SPOCK3: variants seen among roughly 807,000 people sequenced by gnomAD.
The protein encoded by SPOCK3 is testican-3.
Under a neutral mutation model 56.6 loss-of-function variants are expected in SPOCK3, and 30 were observed. The observed-to-expected ratio is 0.53, with a 90% confidence interval of 0.40 to 0.72. The LOEUF (loss-of-function observed/expected upper bound fraction) is 0.72, where lower values mean the gene tolerates loss of function less well. Among genes scored for constraint, SPOCK3 ranks in the 30% least tolerant of loss-of-function variants. The pLI is 0.00. For missense variants in SPOCK3, 527 were observed against 530.0 expected (o/e 0.99, Z 0.06); for synonymous variants, 196 against 183.3 (o/e 1.07, Z -0.56).
At chr4:166,921,617 G>A (rs964401260) in intron 4 of SPOCK3, among the ~76,000 whole-genome samples, 1 of 152,050 alleles carries the variant, frequency 6.6e-6, no homozygotes, top group Non-Finnish European at 1.5e-5. Flanking sequence ...CACCCAGCCC[G>A]TGTTGACTCT....
intron 2 of SPOCK3, among the ~76,000 whole-genome samples, chr4:167,102,849 G>A (rs1284060038): frequency 6.8e-6 from 1 of 147,822 alleles, no homozygotes; most frequent in Non-Finnish European, 1.5e-5. Flanking sequence ...GACAGGGGAT[G>A]TGGGACACCA....
chr4:167,062,730 A>T, intron 2 of SPOCK3, 193 bp from the exon 3 acceptor site: 1 of 539,466 alleles, frequency 1.9e-6, no homozygotes, highest in East Asian at 3.0e-5. Flanking sequence ...GTTATCAAAA[A>T]GGAACACACT....
At position 167,234,086 on chromosome 4, in the gene SPOCK3, C is replaced by A. The variant is rs746368281; in HGVS notation, c.88G>T (p.Gly30Trp). 1 of 1,613,860 alleles carries A rather than the reference C, an allele frequency of 6.2e-7. No individual in the cohort carries two copies. The highest frequency in any genetic ancestry group is 1.7e-5 in the Admixed American group (1 of 60,018). The change falls in exon 2 of 11, where the codon GGG (glycine) becomes TGG (tryptophan). Residue 30 changes from glycine (G) to tryptophan (W), a missense_variant. Physicochemically the swap from Gly to Trp is radical, Grantham distance 184. Coordinates refer to ENST00000357545, the MANE Select transcript of SPOCK3 (RefSeq NM_001040159.2). ...LAAAAAVAAA[G>W]GRSDGGNFLD... ...AAATTACCGCCGTCCGACCGCCCCCCGGCTGCAGCCACCGCCGCGGCAGCT... is the reference window on the plus strand; with the variant it reads ...AAATTACCGCCGTCCGACCGCCCCCAGGCTGCAGCCACCGCCGCGGCAGCT...
rs1365561851 is a variant in SPOCK3 at position 166,752,563 on chromosome 4, TATATATATATACAC to T, written c.931+1931_931+1944del. On this transcript the variant is annotated intron_variant, in intron 8 of 10. Coordinates refer to ENST00000357545, the MANE Select transcript of SPOCK3 (RefSeq NM_001040159.2). ...GTAGCTATATGTGTGTATATATATA[TATATATATATACAC>T]ACACACACACACACACACACACACA... is the stretch of plus-strand genomic sequence containing the variant. 7.0e-3 allele frequency among the ~76,000 whole-genome samples: 374 copies of T among 53,418 alleles called. 1 individual carries two copies. The highest frequency in any genetic ancestry group is 8.4e-3 in the Non-Finnish European group (246 of 29,416). The allele number at this position is 53,418 out of a possible 152,430, so 35.0% of individuals were successfully genotyped here.
At chr4:167,117,335 G>A (rs1449309316) in intron 2 of SPOCK3, among the ~76,000 whole-genome samples, 1 of 152,096 alleles carries the variant, frequency 6.6e-6, no homozygotes, top group Non-Finnish European at 1.5e-5. Context: ...CACAAAATGT[G>A]TTCTGACCTG....
chr4:167,113,537 G>T (rs1561229894), intron 2 of SPOCK3, among the ~76,000 whole-genome samples: 1 of 152,000 alleles, frequency 6.6e-6, no homozygotes. Flanking sequence ...GTTTCAGTCA[G>T]TGTCTGAGCA....
chr4:167,046,292 T>C (rs1165910912), intron 3 of SPOCK3, among the ~76,000 whole-genome samples: 1 of 151,886 alleles, frequency 6.6e-6, no homozygotes, highest in African/African-American at 2.4e-5. Context: ...ATAATATGCC[T>C]AGATGTGGGT....
intron 4 of SPOCK3, among the ~76,000 whole-genome samples, chr4:166,986,056 C>T (rs1458806540): frequency 1.3e-5 from 2 of 152,032 alleles, no homozygotes; most frequent in African/African-American, 4.8e-5. Flanking sequence ...CTAAATTTTC[C>T]AAATCTACAA....
chr4:166,755,928 C>T lies in SPOCK3; in HGVS notation c.710-1199G>A, dbSNP rs1422814606. On this transcript the variant is annotated intron_variant, in intron 7 of 10. Coordinates refer to ENST00000357545, the MANE Select transcript of SPOCK3 (RefSeq NM_001040159.2). The stretch of plus-strand genomic sequence containing the variant: ...AACAGCTCCGGTCTACAGCTCCCAG[C>T]GTGAGCGACGCAGAAGACGGTGATT... Among the ~76,000 whole-genome samples the T allele has an allele frequency of 5.5e-4, 4 of 7,248 alleles. 2 individuals are homozygous for T. Among genetic ancestry groups the T allele is most frequent in the African/African-American group, 1.0e-3 (2 of 1,952 alleles). The allele number at this position is 7,248 out of a possible 152,430, so 4.8% of individuals were successfully genotyped here.
intron 2 of SPOCK3, among the ~76,000 whole-genome samples, chr4:167,121,095 GT>G (rs1023354150): frequency 6.6e-6 from 1 of 151,526 alleles, no homozygotes; most frequent in Non-Finnish European, 1.5e-5. Context: ...TAACCTGGGT[GT>G]TTTTTTAAAT....
Position 167,000,446 on chromosome 4 carries a change from C to G in SPOCK3, c.253G>C (p.Asp85His). 6.3e-7 allele frequency: 1 copy of G among 1,586,180 alleles called. No homozygotes were observed. Among genetic ancestry groups the G allele is most frequent in the Non-Finnish European group, 8.6e-7 (1 of 1,163,904 alleles). ...CTACATTTCATCTTTAAGCATGGAT[C>G]CTTAGCTGGATCTAAAGCTAAAAAA... ...PFDQALDPAK[D>H]PCLKMKCSRH... The change falls in exon 4 of 11, where the codon GAT becomes CAT. Residue 85 changes from aspartate to histidine, a missense_variant. By Grantham distance (81) the Asp-to-His change is moderately conservative. Transcript: ENST00000357545.
intron 3 of SPOCK3, among the ~76,000 whole-genome samples, chr4:167,016,479 G>T (rs189410607): frequency 6.6e-6 from 1 of 151,676 alleles, no homozygotes; most frequent in Non-Finnish European, 1.5e-5. Context: ...ACTATATTGC[G>T]TATAATTTCC....
At chr4:166,794,867 T>C (rs578045116) in intron 6 of SPOCK3, among the ~76,000 whole-genome samples, 16 of 152,196 alleles carry the variant, frequency 1.1e-4, no homozygotes, top group Admixed American at 8.5e-4. Context: ...TGTCTCGAAC[T>C]CCTGACCTCA....
intron 4 of SPOCK3, among the ~76,000 whole-genome samples, chr4:166,946,701 G>A (rs997598308): frequency 6.6e-6 from 1 of 150,420 alleles, no homozygotes; most frequent in Non-Finnish European, 1.5e-5. Context: ...ATAGCACTTG[G>A]TCCTTTAAAA....
chr4:167,127,431 CTTT>C (rs1423258826), intron 2 of SPOCK3, among the ~76,000 whole-genome samples: 2 of 141,746 alleles, frequency 1.4e-5, no homozygotes, highest in Non-Finnish European at 3.1e-5. Context: ...TGGAAATTTT[CTTT>C]TTTTTTTTTT....
At position 167,060,836 on chromosome 4, in the gene SPOCK3, G is replaced by A. The variant is rs182294108; in HGVS notation, c.235+1656C>T. Reference sequence around the variant, plus strand: ...CTGCCACACTGTGGGAATATAACCTGAGCAGGAGCTTAACTAACTGCTTTC... The same window carrying A: ...CTGCCACACTGTGGGAATATAACCTAAGCAGGAGCTTAACTAACTGCTTTC... On this transcript the variant is annotated intron_variant, in intron 3 of 10. Transcript: ENST00000357545. Among the ~76,000 whole-genome samples, 147 of 152,148 alleles carry A rather than the reference G, an allele frequency of 9.7e-4. 3 individuals are homozygous for A. In the East Asian group the frequency reaches 0.013, roughly 13 times the overall value.
intron 4 of SPOCK3, among the ~76,000 whole-genome samples, chr4:166,949,493 G>T (rs1252620456): frequency 6.6e-6 from 1 of 152,102 alleles, no homozygotes. Context: ...GGTCTTTGAT[G>T]ATGGTGATGT....
intron 5 of SPOCK3, among the ~76,000 whole-genome samples, chr4:166,904,898 G>A (rs1736454691): frequency 6.6e-6 from 1 of 151,946 alleles, no homozygotes; most frequent in Non-Finnish European, 1.5e-5. Flanking sequence ...CATCATTCAG[G>A]TAAAATTCAC....
chr4:167,218,077 G>T (rs1025530311), intron 2 of SPOCK3, among the ~76,000 whole-genome samples: 3 of 151,940 alleles, frequency 2.0e-5, no homozygotes, highest in Non-Finnish European at 2.9e-5. Context: ...CCTAAATCAC[G>T]CAACTACCTA....
Sources: allele counts gnomAD v4.1 joint callset (sites outside exome capture counted in the v4.1 genomes callset), GRCh38; gene constraint gnomAD v4.1.1; transcripts MANE v1.5; gene names NCBI Gene and HGNC (gene_info 2026-07-23, HGNC 2026-07-21).